CELF2: variants seen among roughly 807,000 people sequenced by gnomAD.
CELF2 encodes the protein CUGBP Elav-like family member 2.
A neutral mutation model predicts 62.6 loss-of-function variants in CELF2; 8 were observed. That is an observed-to-expected ratio of 0.13 (90% CI 0.07 to 0.23). The LOEUF is 0.23. Ranked by LOEUF, CELF2 falls within the 10% of genes least tolerant of loss-of-function variation. CELF2 has a pLI of 1.00. For synonymous variants in CELF2, 258 were observed against 250.0 expected, an observed-to-expected ratio of 1.03 and a Z score of -0.30; for missense variants, 333 against 671.0, an observed-to-expected ratio of 0.50 and a Z score of 5.56.
chr10:10,834,962 C>A (rs2058158421), intron 1 of CELF2, among the ~76,000 whole-genome samples: 1 of 152,126 alleles, frequency 6.6e-6, no homozygotes, highest in South Asian at 2.1e-4. Flanking sequence ...CTTATCAAAG[C>A]AGTAACAAAA....
the CELF2 span, among the ~76,000 whole-genome samples, chr10:10,631,804 A>G: frequency 6.6e-6 from 1 of 152,214 alleles, no homozygotes; most frequent in African/African-American, 2.4e-5. Flanking sequence ...GTAAGATAAG[A>G]AAATGGGAAA....
At chr10:11,189,397 C>T (rs530962807) in intron 2 of CELF2, among the ~76,000 whole-genome samples, 6 of 152,254 alleles carry the variant, frequency 3.9e-5, no homozygotes, top group African/African-American at 1.2e-4. Flanking sequence ...GAATCCACTC[C>T]GACAAGCTCT....
the CELF2 span, among the ~76,000 whole-genome samples, chr10:10,467,191 C>T: frequency 1.3e-5 from 2 of 151,982 alleles, no homozygotes; most frequent in African/African-American, 2.4e-5. Context: ...CTCCTAAGTG[C>T]TTCTCTATAA....
chr10:10,650,601 C>A, the CELF2 span, among the ~76,000 whole-genome samples: 2 of 152,018 alleles, frequency 1.3e-5, no homozygotes, highest in African/African-American at 4.8e-5. Context: ...CACAGCATGA[C>A]AAGATAAAAT....
At chr10:10,655,408 C>T in the CELF2 span, among the ~76,000 whole-genome samples, 18 of 124,068 alleles carry the variant, frequency 1.5e-4, 1 homozygote, top group South Asian at 2.8e-3. Context: ...GATCCCGCAT[C>T]GCCAAGTCAA....
chr10:10,497,346 A>C, the CELF2 span, among the ~76,000 whole-genome samples: 2 of 152,204 alleles, frequency 1.3e-5, no homozygotes, highest in Non-Finnish European at 1.5e-5. Flanking sequence ...GGAGAGAATC[A>C]TGCATTCAGT....
chr10:10,645,411 G>C, the CELF2 span, among the ~76,000 whole-genome samples: 1 of 152,170 alleles, frequency 6.6e-6, no homozygotes, highest in Non-Finnish European at 1.5e-5. Flanking sequence ...CCAGCACTTT[G>C]CGAGGCTGAG....
intron 1 of CELF2, among the ~76,000 whole-genome samples, chr10:11,079,913 A>C (rs1253226010): frequency 1.3e-5 from 2 of 152,210 alleles, no homozygotes; most frequent in East Asian, 3.8e-4. Context: ...ACTGTACTGC[A>C]AGATGACTTT....
intron 1 of CELF2, among the ~76,000 whole-genome samples, chr10:10,821,111 G>C (rs1351527302): frequency 6.6e-6 from 1 of 152,216 alleles, no homozygotes; most frequent in Non-Finnish European, 1.5e-5. Flanking sequence ...AAGCTGCCGA[G>C]GTTTCTGGTA....
intron 1 of CELF2, among the ~76,000 whole-genome samples, chr10:11,084,752 G>T (rs1241433179): frequency 6.6e-6 from 1 of 150,446 alleles, no homozygotes; most frequent in South Asian, 2.1e-4. Context: ...GAGAATAAAA[G>T]AAAAAAAAAC....
the CELF2 span, among the ~76,000 whole-genome samples, chr10:10,743,720 C>T: frequency 6.6e-6 from 1 of 152,160 alleles, no homozygotes; most frequent in Non-Finnish European, 1.5e-5. Flanking sequence ...ATAGTGGTTG[C>T]TATGGAAATT....
intron 9 of CELF2, among the ~76,000 whole-genome samples, chr10:11,289,835 A>G (rs531586891): frequency 2.0e-5 from 3 of 152,360 alleles, no homozygotes; most frequent in Non-Finnish European, 4.4e-5. Flanking sequence ...CTTTTGAGAA[A>G]TAAACATTTT....
chr10:11,137,465 A>G (rs79306846), intron 1 of CELF2, among the ~76,000 whole-genome samples: 1 of 152,158 alleles, frequency 6.6e-6, no homozygotes, highest in Admixed American at 6.5e-5. Flanking sequence ...GGTTTTGTGT[A>G]CATGTGTGTA....
chr10:10,750,125 T>G, the CELF2 span, among the ~76,000 whole-genome samples: 1 of 151,990 alleles, frequency 6.6e-6, no homozygotes, highest in Non-Finnish European at 1.5e-5. Flanking sequence ...CTACTAAAAA[T>G]ACAAAAATTA....
At chr10:10,686,105 G>A in the CELF2 span, among the ~76,000 whole-genome samples, 1 of 152,086 alleles carries the variant, frequency 6.6e-6, no homozygotes, top group African/African-American at 2.4e-5. Flanking sequence ...CAACACGGTG[G>A]TAATAACGTG....
At chr10:10,662,823 C>A in the CELF2 span, among the ~76,000 whole-genome samples, 1 of 152,294 alleles carries the variant, frequency 6.6e-6, no homozygotes, top group East Asian at 1.9e-4. Flanking sequence ...AGCACATTAA[C>A]CACTTGCCGA....
chr10:11,109,763 C>T (rs769827407), intron 1 of CELF2, among the ~76,000 whole-genome samples: 2 of 152,280 alleles, frequency 1.3e-5, no homozygotes, highest in Middle Eastern at 3.4e-3. Flanking sequence ...GAGGAAGCAA[C>T]GCTTGTGCTC....
intron 1 of CELF2, among the ~76,000 whole-genome samples, chr10:10,876,979 C>A (rs573503267): frequency 5.2e-4 from 79 of 152,322 alleles, no homozygotes; most frequent in Middle Eastern, 6.8e-3. Context: ...CAGCTGAATG[C>A]CACCCAGAAG....
At chr10:10,564,340 G>C in the CELF2 span, among the ~76,000 whole-genome samples, 2 of 152,208 alleles carry the variant, frequency 1.3e-5, no homozygotes, top group African/African-American at 4.8e-5. Context: ...TTGCCAGGAA[G>C]AGCTGGGTGG....
Sources: gnomAD v4.1 joint callset for allele counts (sites outside exome capture counted in the v4.1 genomes callset) on GRCh38, gnomAD v4.1.1 for gene constraint, MANE v1.5 for transcripts, NCBI Gene and HGNC (gene_info 2026-07-23, HGNC 2026-07-21) for gene names.